Variants in C13orf46 observed in about 807,000 individuals in gnomAD.
The protein encoded by C13orf46 is chromosome 13 open reading frame 46, also known as uncharacterized protein C13orf46.
the C13orf46 span, among the ~76,000 whole-genome samples, chr13:113,937,640 T>C: frequency 2.0e-5 from 3 of 151,792 alleles, no homozygotes; most frequent in Non-Finnish European, 4.4e-5. Context: ...CGGCGCAGAG[T>C]TTGGTTTTAC....
chr13:113,954,238 T>C lies in C13orf46; in HGVS notation c.*2535A>G, dbSNP rs2052502708. 6.6e-6 allele frequency: 1 copy of C among 152,284 alleles called. No individual in the cohort carries two copies. The highest frequency in any genetic ancestry group is 1.5e-5 in the Non-Finnish European group (1 of 68,064). The allele number at this position is 152,284 out of a possible 1,614,324, so 9.4% of individuals were successfully genotyped here. On this transcript the variant is annotated 3_prime_UTR_variant, in exon 7 of 7. Coordinates refer to ENST00000636427, the MANE Select transcript of C13orf46 (RefSeq NM_001365455.2). ...GCACACAGCATCTCCGCCTGTGGCC[T>C]CTGACTGCCTTAGAGACACCCGGAT...
the C13orf46 span, among the ~76,000 whole-genome samples, chr13:113,935,274 G>A: frequency 2.0e-5 from 3 of 152,218 alleles, no homozygotes; most frequent in Non-Finnish European, 2.9e-5. Context: ...AGGGAGAGGT[G>A]GAAAACAGCT....
Position 113,955,602 on chromosome 13 carries a change from C to A in C13orf46, c.*1171G>T, listed in dbSNP as rs1386261048. ...AGGAGCATCTCGTGGAGCGGAGGAGCATCTGGCAGAGACGAGGAGTAGTGT... is the reference window on the plus strand; with the variant it reads ...AGGAGCATCTCGTGGAGCGGAGGAGAATCTGGCAGAGACGAGGAGTAGTGT... On this transcript the variant is annotated 3_prime_UTR_variant, in exon 7 of 7. Transcript: ENST00000636427. 3.8e-3 allele frequency: 456 copies of A among 121,120 alleles called. 2 individuals are homozygous for A. The highest frequency in any genetic ancestry group is 6.0e-3 in the Non-Finnish European group (356 of 59,168). 7.5% of individuals were successfully genotyped at this position (121,120 alleles called of 1,614,324 possible).
the C13orf46 span, among the ~76,000 whole-genome samples, chr13:113,934,094 G>A: frequency 3.9e-5 from 6 of 152,104 alleles, no homozygotes; most frequent in South Asian, 2.1e-4. Context: ...ACCCGCCGGC[G>A]TCACTCATCC....
At chr13:113,970,813 G>A (rs985110686) in intron 1 of C13orf46, among the ~76,000 whole-genome samples, 3 of 152,180 alleles carry the variant, frequency 2.0e-5, no homozygotes, top group Non-Finnish European at 4.4e-5. Flanking sequence ...ACCTTGATGT[G>A]ACAGAGGACA....
Sources: allele counts gnomAD v4.1 joint callset (sites outside exome capture counted in the v4.1 genomes callset), GRCh38; gene constraint gnomAD v4.1.1; transcripts MANE v1.5; gene names NCBI Gene and HGNC (gene_info 2026-07-23, HGNC 2026-07-21).